UBA6: variants seen among roughly 807,000 people sequenced by gnomAD.
The protein encoded by UBA6 is ubiquitin like modifier activating enzyme 6.
A neutral mutation model predicts 148.3 loss-of-function variants in UBA6; 87 were observed. The observed-to-expected ratio is 0.59, with a 90% CI of 0.49 to 0.70. UBA6 has a LOEUF of 0.70. UBA6 is among the 30% of genes least tolerant of loss of function. The pLI is 0.00. For missense variants in UBA6, 1,186 were observed against 1,241.2 expected (o/e 0.96, Z 0.67); for synonymous variants, 376 against 401.0 (o/e 0.94, Z 0.75).
intron 2 of UBA6, among the ~76,000 whole-genome samples, chr4:67,695,534 A>G (rs1730812835): frequency 6.6e-6 from 1 of 151,360 alleles, no homozygotes; most frequent in South Asian, 2.1e-4. Flanking sequence ...ATCACTTACC[A>G]TTAACTGTTT....
At chr4:67,646,131 C>T (rs1241356128) in intron 15 of UBA6, 115 bp from the exon 16 acceptor site, 1 of 512,784 alleles carries the variant, frequency 2.0e-6, no homozygotes, top group Non-Finnish European at 3.2e-6. Context: ...TTAAAAGTTT[C>T]CCCTAACCAA....
intron 32 of UBA6, among the ~76,000 whole-genome samples, chr4:67,620,572 A>C (rs1484049506): frequency 6.6e-6 from 1 of 152,182 alleles, no homozygotes; most frequent in Admixed American, 6.5e-5. Context: ...AAGGACAAAT[A>C]AGTAGGCCAG....
At chr4:67,661,839 T>C (rs1238811337) in intron 13 of UBA6, 1 of 304,288 alleles carries the variant, frequency 3.3e-6, no homozygotes, top group Non-Finnish European at 5.8e-6. Context: ...GTGACTTATA[T>C]AAGAAAGCTA....
At chr4:67,654,808 G>C (rs765571608) in intron 13 of UBA6, among the ~76,000 whole-genome samples, 44 of 150,552 alleles carry the variant, frequency 2.9e-4, no homozygotes, top group Non-Finnish European at 5.7e-4. Flanking sequence ...CGTGCAAAGA[G>C]GCCCATAGTC....
intron 2 of UBA6, among the ~76,000 whole-genome samples, chr4:67,687,580 C>G (rs1730602796): frequency 6.6e-6 from 1 of 152,060 alleles, no homozygotes; most frequent in Non-Finnish European, 1.5e-5. Context: ...AAATGAAGGT[C>G]TTGAACTTGG....
At chr4:67,646,087 C>A (rs1008973712) in intron 15 of UBA6, 71 bp from the exon 16 acceptor site, 2 of 816,380 alleles carry the variant, frequency 2.4e-6, no homozygotes, top group South Asian at 2.0e-5. Context: ...TCATTAATAC[C>A]AATTTAATGT....
In UBA6 at chr4:67,617,065, C is replaced by T. The variant is rs760658121; in HGVS notation, c.*1932G>A. The T allele has an allele frequency of 5.3e-5, 8 of 152,010 alleles. No individual in the cohort carries two copies. Among genetic ancestry groups the T allele is most frequent in the Non-Finnish European group, 1.0e-4 (7 of 67,932 alleles). The allele number at this position is 152,010 out of a possible 1,614,324, so 9.4% of individuals were successfully genotyped here. A position where few individuals can be genotyped will look rare whatever the true frequency, so the allele number is the denominator to read the frequency against. On this transcript the variant is annotated 3_prime_UTR_variant, in exon 33 of 33. Coordinates refer to ENST00000322244, the MANE Select transcript of UBA6 (RefSeq NM_018227.6). ...GTTGCAGGTTTAATCACAAAATGAA[C>T]TTAATTTTTGTTGATTTTGTTTTAT...
intron 1 of UBA6, 51 bp from the exon 2 acceptor site, chr4:67,696,758 T>C (rs1448484099): frequency 6.9e-7 from 1 of 1,446,198 alleles, no homozygotes; most frequent in Non-Finnish European, 9.6e-7. Context: ...AATGTAATAT[T>C]TGATTACTTG....
intron 32 of UBA6, among the ~76,000 whole-genome samples, chr4:67,622,345 T>C (rs1728770041): frequency 6.6e-6 from 1 of 152,180 alleles, no homozygotes; most frequent in Non-Finnish European, 1.5e-5. Flanking sequence ...CTTTTCTCTT[T>C]ATTCTTCTTT....
intron 19 of UBA6, among the ~76,000 whole-genome samples, chr4:67,637,905 C>G (rs1190480553): frequency 6.7e-6 from 1 of 149,984 alleles, no homozygotes; most frequent in Non-Finnish European, 1.5e-5. Flanking sequence ...GCCAAATCCC[C>G]CTATGCGAGA....
At chr4:67,626,593 C>A in intron 27 of UBA6, 116 bp from the exon 28 acceptor site, 1 of 662,922 alleles carries the variant, frequency 1.5e-6, no homozygotes, top group Non-Finnish European at 2.5e-6. Context: ...ATATTTTGAT[C>A]AGATTATTAA....
At position 67,646,019 on chromosome 4, in the gene UBA6, G is replaced by T; in HGVS notation, c.1317-3C>A. On this transcript the variant is annotated splice_polypyrimidine_tract_variant and splice_region_variant and intron_variant, in intron 15 of 32. Coordinates refer to ENST00000322244, the MANE Select transcript of UBA6 (RefSeq NM_018227.6). ...TTAAGGCATCATATCTATCTCCTCT[G>T]AAAAAAATAACATATACCAAAAAGC... is the stretch of plus-strand genomic sequence containing the variant. 3 of 1,536,852 alleles carry T rather than the reference G, an allele frequency of 2.0e-6. No individual in the cohort carries two copies. The highest frequency in any genetic ancestry group is 1.9e-5 in the Admixed American group (1 of 51,696).
intron 13 of UBA6, among the ~76,000 whole-genome samples, chr4:67,661,140 A>G (rs189686536): frequency 6.6e-6 from 1 of 152,254 alleles, no homozygotes; most frequent in African/African-American, 2.4e-5. Context: ...TTGCTCAGAT[A>G]AGACTTTGGA....
chr4:67,657,393 T>C (rs1375126092), intron 13 of UBA6, among the ~76,000 whole-genome samples: 2 of 152,116 alleles, frequency 1.3e-5, no homozygotes, highest in Non-Finnish European at 2.9e-5. Context: ...TCTACAACCA[T>C]CTGATCTTTG....
At chr4:67,684,133 G>C (rs1045522915) in intron 2 of UBA6, among the ~76,000 whole-genome samples, 4 of 152,112 alleles carry the variant, frequency 2.6e-5, no homozygotes, top group African/African-American at 9.7e-5. Flanking sequence ...GATGCAGCAA[G>C]TTACCCTTCT....
intron 13 of UBA6, among the ~76,000 whole-genome samples, chr4:67,657,593 T>A (rs1248385486): frequency 6.6e-6 from 1 of 151,952 alleles, no homozygotes; most frequent in Non-Finnish European, 1.5e-5. Flanking sequence ...ACCTAGGCAA[T>A]ACCATTCAGA....
chr4:67,672,300 T>C (rs1211789067), intron 7 of UBA6, among the ~76,000 whole-genome samples: 1 of 152,218 alleles, frequency 6.6e-6, no homozygotes, highest in Non-Finnish European at 1.5e-5. Context: ...ACATATTCCA[T>C]TGTCAGAGCA....
intron 13 of UBA6, among the ~76,000 whole-genome samples, chr4:67,652,706 C>A (rs1353675923): frequency 6.6e-6 from 1 of 152,178 alleles, no homozygotes; most frequent in African/African-American, 2.4e-5. Context: ...GAGGGCGAGC[C>A]GAAGCAGGGC....
intron 18 of UBA6, among the ~76,000 whole-genome samples, chr4:67,639,842 C>A (rs1729261595): frequency 6.6e-6 from 1 of 152,132 alleles, no homozygotes; most frequent in African/African-American, 2.4e-5. Flanking sequence ...TATGGTCTCT[C>A]CCTCTCAAAA....
Sources: gnomAD v4.1 joint callset for allele counts (sites outside exome capture counted in the v4.1 genomes callset) on GRCh38, gnomAD v4.1.1 for gene constraint, MANE v1.5 for transcripts, NCBI Gene and HGNC (gene_info 2026-07-23, HGNC 2026-07-21) for gene names.